The following CCSER1 variants were observed in gnomAD, a reference collection of about 807,000 sequenced individuals.
CCSER1 encodes serine-rich coiled-coil domain-containing protein 1.
In CCSER1, 41 loss-of-function variants were observed where a neutral mutation model predicts 82.0. That is an observed-to-expected ratio of 0.50 (90% CI 0.39 to 0.65). The LOEUF (loss-of-function observed/expected upper bound fraction) is 0.65. CCSER1 is among the 30% of genes least tolerant of loss of function. The pLI, the probability that CCSER1 is intolerant of heterozygous loss-of-function variation, is 0.00. For missense variants in CCSER1, 1,119 were observed against 1,064.2 expected, an observed-to-expected ratio of 1.05 and a Z score of -0.72; for synonymous variants, 414 against 383.9, an observed-to-expected ratio of 1.08 and a Z score of -0.92.
chr4:90,260,627 A>G (rs1303345534), intron 1 of CCSER1, among the ~76,000 whole-genome samples: 1 of 151,920 alleles, frequency 6.6e-6, no homozygotes, highest in Non-Finnish European at 1.5e-5. Flanking sequence ...TATCCCTTTG[A>G]CCTTGAGTTT....
chr4:90,987,723 G>T (rs1736688370), intron 9 of CCSER1, among the ~76,000 whole-genome samples: 1 of 151,632 alleles, frequency 6.6e-6, no homozygotes, highest in South Asian at 2.1e-4. Context: ...TTGTACACAG[G>T]TCATAGCAGC....
intron 9 of CCSER1, among the ~76,000 whole-genome samples, chr4:91,045,364 A>G (rs967635431): frequency 9.9e-5 from 15 of 152,260 alleles, no homozygotes; most frequent in African/African-American, 3.6e-4. Flanking sequence ...ATGTAATCTC[A>G]AGTGTCTTAG....
rs561915023 is a variant in CCSER1 at position 90,408,511 on chromosome 4, C to T, written c.1603+8382C>T. On this transcript the variant is annotated intron_variant, in intron 4 of 10. Coordinates refer to ENST00000509176, the MANE Select transcript of CCSER1 (RefSeq NM_001145065.2). ...GTTCTGCAGCCACCACTGCTGATAC[C>T]GAGGCAAACAGGGTCTGGAGTGGAC... is the stretch of plus-strand genomic sequence containing the variant. 9.2e-5 allele frequency among the ~76,000 whole-genome samples: 14 copies of T among 152,262 alleles called. No homozygotes were observed. In the South Asian group the frequency reaches 1.0e-3, roughly 11 times the overall value.
At chr4:91,438,509 T>G (rs1754847913) in intron 10 of CCSER1, among the ~76,000 whole-genome samples, 1 of 151,770 alleles carries the variant, frequency 6.6e-6, no homozygotes, top group South Asian at 2.1e-4. Flanking sequence ...AGACCAAAAG[T>G]AGATAAAACC....
At chr4:91,463,710 C>G (rs978689831) in intron 10 of CCSER1, among the ~76,000 whole-genome samples, 1 of 152,130 alleles carries the variant, frequency 6.6e-6, no homozygotes, top group Non-Finnish European at 1.5e-5. Flanking sequence ...GATTAATGCA[C>G]AAGCTTCAGA....
At chr4:91,148,295 C>T (rs900991455) in intron 10 of CCSER1, among the ~76,000 whole-genome samples, 2 of 151,944 alleles carry the variant, frequency 1.3e-5, no homozygotes, top group African/African-American at 4.8e-5. Context: ...CTCATTTATT[C>T]ATTGAACAAA....
chr4:91,078,463 A>G (rs1274640554), intron 9 of CCSER1, among the ~76,000 whole-genome samples: 2 of 152,208 alleles, frequency 1.3e-5, no homozygotes, highest in Non-Finnish European at 2.9e-5. Context: ...ATAAAACCAC[A>G]AAGATGTGGA....
At chr4:90,934,480 C>A (rs1730674390) in intron 9 of CCSER1, among the ~76,000 whole-genome samples, 1 of 152,114 alleles carries the variant, frequency 6.6e-6, no homozygotes, top group East Asian at 1.9e-4. Flanking sequence ...AAGTATAAAC[C>A]TTTCAAGCTT....
At chr4:91,173,743 G>A (rs2149009039) in intron 10 of CCSER1, among the ~76,000 whole-genome samples, 1 of 152,238 alleles carries the variant, frequency 6.6e-6, no homozygotes, top group South Asian at 2.1e-4. Flanking sequence ...TACTTCCTGA[G>A]TGTATGAGAG....
At chr4:90,621,253 G>T (rs959374062) in intron 5 of CCSER1, among the ~76,000 whole-genome samples, 19 of 152,098 alleles carry the variant, frequency 1.2e-4, no homozygotes, top group African/African-American at 4.1e-4. Flanking sequence ...TTTTGCCAGG[G>T]AGGAAATGTT....
chr4:90,626,529 C>T (rs1723306049), intron 5 of CCSER1, among the ~76,000 whole-genome samples: 1 of 152,162 alleles, frequency 6.6e-6, no homozygotes, highest in Non-Finnish European at 1.5e-5. Flanking sequence ...AAAATATACA[C>T]TTTAAAGTGA....
intron 7 of CCSER1, 127 bp downstream of exon 7, chr4:90,724,118 A>C: frequency 1.8e-6 from 1 of 554,026 alleles, no homozygotes. Context: ...TTCAAATCTT[A>C]AAATCGTTTT....
chr4:91,034,583 G>T (rs138678504), intron 9 of CCSER1, among the ~76,000 whole-genome samples: 119 of 152,030 alleles, frequency 7.8e-4, no homozygotes, highest in African/African-American at 2.7e-3. Flanking sequence ...TTATTGGAGC[G>T]AATTATGGAG....
chr4:90,519,217 T>C (rs1288421448), intron 5 of CCSER1, among the ~76,000 whole-genome samples: 2 of 151,848 alleles, frequency 1.3e-5, no homozygotes, highest in African/African-American at 2.4e-5. Context: ...TTCTTCTACC[T>C]CTGAATAATA....
Position 90,978,007 on chromosome 4 carries a change from G to A in CCSER1, c.2172+54560G>A, listed in dbSNP as rs911619909. Among the ~76,000 whole-genome samples, 3 of 151,440 alleles carry A rather than the reference G, an allele frequency of 2.0e-5. No individual in the cohort carries two copies. In the South Asian group the frequency reaches 6.2e-4, roughly 31 times the overall value. On this transcript the variant is annotated intron_variant, in intron 9 of 10. Transcript: ENST00000509176. ...ACAGTTGCAATACATGTATATTAGG[G>A]GTTTCTGATATCCTGCAAATTACAT... is the stretch of plus-strand genomic sequence containing the variant.
rs185353363 is a variant in CCSER1, at chr4:90,779,812, C to T, written c.2011-35950C>T. On this transcript the variant is annotated intron_variant, in intron 7 of 10. Transcript: ENST00000509176. ...AAGTATACTTGTGAGGAGAAAATGTCTTTCCCCCTATTAAATACAGTTGAC... is the reference window on the plus strand; with the variant it reads ...AAGTATACTTGTGAGGAGAAAATGTTTTTCCCCCTATTAAATACAGTTGAC... Among the ~76,000 whole-genome samples the T allele has an allele frequency of 3.9e-5, 6 of 152,332 alleles. No homozygotes were observed. The East Asian group carries it at 5.8e-4, about 15-fold the overall frequency.
At chr4:90,691,112 C>T (rs1363926539) in intron 6 of CCSER1, among the ~76,000 whole-genome samples, 1 of 151,872 alleles carries the variant, frequency 6.6e-6, no homozygotes, top group Admixed American at 6.6e-5. Context: ...TAGATGACAA[C>T]AACTATTAAT....
intron 5 of CCSER1, among the ~76,000 whole-genome samples, chr4:90,589,029 C>G (rs1244247917): frequency 6.6e-6 from 1 of 152,114 alleles, no homozygotes; most frequent in African/African-American, 2.4e-5. Flanking sequence ...AATGGAGTCC[C>G]TATCCATAAA....
intron 1 of CCSER1, among the ~76,000 whole-genome samples, chr4:90,220,463 T>C (rs1366749289): frequency 6.8e-6 from 1 of 147,700 alleles, no homozygotes; most frequent in Non-Finnish European, 1.5e-5. Flanking sequence ...TTTGATTTGC[T>C]TTTTTTTTTG....
Sources: gnomAD v4.1 joint callset for allele counts (sites outside exome capture counted in the v4.1 genomes callset) on GRCh38, gnomAD v4.1.1 for gene constraint, MANE v1.5 for transcripts, NCBI Gene and HGNC (gene_info 2026-07-23, HGNC 2026-07-21) for gene names.